Variants in SLCO6A1 observed in about 807,000 individuals in gnomAD.
The protein encoded by SLCO6A1 is cancer/testis antigen 48.
Under a neutral mutation model 72.7 loss-of-function variants are expected in SLCO6A1, and 65 were observed. The ratio of observed to expected loss-of-function variants is 0.89; its 90% CI spans 0.73 to 1.10. SLCO6A1 has a LOEUF of 1.10. Ranked by LOEUF, SLCO6A1 falls within the 50% of genes least tolerant of loss-of-function variation. The pLI is 0.00. For synonymous variants in SLCO6A1, 314 were observed against 298.2 expected, an observed-to-expected ratio of 1.05 and a Z score of -0.55; for missense variants, 874 against 872.6, an observed-to-expected ratio of 1.00 and a Z score of -0.02.
intron 1 of SLCO6A1, among the ~76,000 whole-genome samples, chr5:102,484,933 G>A (rs961886732): frequency 6.6e-6 from 1 of 152,072 alleles, no homozygotes; most frequent in African/African-American, 2.4e-5. Context: ...TGCAGTGAAG[G>A]GTTAACTGAA....
At chr5:102,484,510 G>A (rs558220382) in intron 1 of SLCO6A1, among the ~76,000 whole-genome samples, 166 of 152,028 alleles carry the variant, frequency 1.1e-3, no homozygotes, top group African/African-American at 3.2e-3. Flanking sequence ...TTAGCCAGGC[G>A]TGGTGGCGGG....
chr5:102,458,439 G>T lies in SLCO6A1; in HGVS notation c.1074C>A (p.Ser358Arg), dbSNP rs1480649722. The change falls in exon 6 of 14, where the codon AGC becomes AGA. Residue 358 changes from serine to arginine, a missense_variant. Ser to Arg is a moderately radical substitution (Grantham distance 110). Transcript: ENST00000506729. ...RKRKQLHFFD[S>R]RLKDLKLGTN... The stretch of plus-strand genomic sequence containing the variant: ...TTCCAAGTTTCAGATCTTTAAGTCT[G>T]CTGTCAAAAAAATGAAGCTGTTTAC... 2 of 1,612,882 alleles carry T rather than the reference G, an allele frequency of 1.2e-6. No individual in the cohort carries two copies. Among genetic ancestry groups the T allele is most frequent in the Middle Eastern group, 3.3e-4 (2 of 6,048 alleles).
chr5:102,498,938 T>C lies in SLCO6A1; in HGVS notation c.-94A>G. ...CCCAAAGGCCAGCCTGGCGAGGGCG[T>C]CGGAGGACTCGGTGGCCACAAGGGG... On this transcript the variant is annotated 5_prime_UTR_variant, in exon 1 of 14. Coordinates refer to ENST00000506729, the MANE Select transcript of SLCO6A1 (RefSeq NM_173488.5). The C allele has an allele frequency of 5.0e-6, 6 of 1,209,412 alleles. No individual in the cohort carries two copies. In the South Asian group the frequency reaches 8.7e-5, roughly 17 times the overall value. The allele number at this position is 1,209,412 out of a possible 1,614,324, so 74.9% of individuals were successfully genotyped here.
intron 7 of SLCO6A1, among the ~76,000 whole-genome samples, chr5:102,421,949 G>T (rs1748630868): frequency 6.6e-6 from 1 of 152,224 alleles, no homozygotes; most frequent in East Asian, 1.9e-4. Flanking sequence ...CTGCTGCTCT[G>T]CAGTCTCTGC....
At chr5:102,467,101 C>T (rs1644039205) in intron 4 of SLCO6A1, among the ~76,000 whole-genome samples, 3 of 152,068 alleles carry the variant, frequency 2.0e-5, no homozygotes, top group African/African-American at 7.2e-5. Context: ...ATGCCTATTC[C>T]TGAATGGTAC....
At chr5:102,397,450 C>A (rs941251989) in intron 10 of SLCO6A1, among the ~76,000 whole-genome samples, 1 of 152,136 alleles carries the variant, frequency 6.6e-6, no homozygotes, top group Non-Finnish European at 1.5e-5. Flanking sequence ...GCTTTTACTG[C>A]CAGCCCAGGG....
At chr5:102,443,455 A>T (rs953706882) in intron 6 of SLCO6A1, among the ~76,000 whole-genome samples, 3 of 152,152 alleles carry the variant, frequency 2.0e-5, no homozygotes, top group African/African-American at 7.2e-5. Context: ...CCAAAAGAGG[A>T]ACTGACTAGA....
chr5:102,396,062 A>T (rs9327852), intron 10 of SLCO6A1, among the ~76,000 whole-genome samples: 1 of 151,566 alleles, frequency 6.6e-6, no homozygotes, highest in East Asian at 1.9e-4. Context: ...CCCATTTGTC[A>T]ATTTTGGCTT....
intron 7 of SLCO6A1, among the ~76,000 whole-genome samples, chr5:102,426,789 A>C (rs1290951733): frequency 2.0e-5 from 3 of 152,262 alleles, no homozygotes; most frequent in African/African-American, 7.2e-5. Flanking sequence ...AAGGATTATA[A>C]ATAATTCTAC....
At chr5:102,410,183 G>A (rs12519179) in intron 9 of SLCO6A1, among the ~76,000 whole-genome samples, 152,242 of 152,264 alleles carry the variant, frequency 1, 76,110 homozygotes, top group Non-Finnish European at 1. Context: ...CTCTGTAGGC[G>A]GGTCATCCTG....
chr5:102,398,411 C>A (rs1211169714), intron 10 of SLCO6A1, among the ~76,000 whole-genome samples: 1 of 152,090 alleles, frequency 6.6e-6, no homozygotes, highest in Non-Finnish European at 1.5e-5. Flanking sequence ...TTCCTGACCT[C>A]AAGTGATCCA....
At chr5:102,381,731 CTTTT>C (rs57935092) in intron 12 of SLCO6A1, among the ~76,000 whole-genome samples, 1 of 134,344 alleles carries the variant, frequency 7.4e-6, no homozygotes, top group Non-Finnish European at 1.6e-5. Flanking sequence ...CAATATTTAT[CTTTT>C]TTTTTTTTTT....
intron 9 of SLCO6A1, among the ~76,000 whole-genome samples, chr5:102,410,076 G>A (rs1431329491): frequency 1.3e-5 from 2 of 152,148 alleles, no homozygotes; most frequent in East Asian, 1.9e-4. Context: ...TGTCCAGGAA[G>A]AATGAGGTAG....
chr5:102,475,846 G>T, intron 3 of SLCO6A1, 53 bp from the exon 4 acceptor site: 2 of 1,375,780 alleles, frequency 1.5e-6, no homozygotes, highest in Non-Finnish European at 2.0e-6. Flanking sequence ...AGCCAGCTTC[G>T]TTATGATAAA....
intron 1 of SLCO6A1, among the ~76,000 whole-genome samples, chr5:102,482,828 C>A (rs1412307135): frequency 6.6e-6 from 1 of 152,104 alleles, no homozygotes; most frequent in African/African-American, 2.4e-5. Context: ...AAATAAATGG[C>A]TAATTTAGTG....
At chr5:102,417,076 G>A (rs1748324991) in intron 8 of SLCO6A1, among the ~76,000 whole-genome samples, 1 of 151,976 alleles carries the variant, frequency 6.6e-6, no homozygotes, top group African/African-American at 2.4e-5. Flanking sequence ...CTGATGAATT[G>A]GTAATTTTAT....
In SLCO6A1 at chr5:102,385,233, T is replaced by C. The variant is rs1746348755; in HGVS notation, c.2017+3455A>G. 2.0e-5 allele frequency among the ~76,000 whole-genome samples: 3 copies of C among 152,178 alleles called. No homozygotes were observed. The South Asian group carries it at 6.2e-4, about 31-fold the overall frequency. On this transcript the variant is annotated intron_variant, in intron 12 of 13. Transcript: ENST00000506729. The stretch of plus-strand genomic sequence containing the variant: ...TTTTCTCTTACTGCTTTCAAAATTC[T>C]CTCTTGCCTTTGACTTTTGTGAATT...
chr5:102,373,270 T>G, intron 13 of SLCO6A1, 67 bp downstream of exon 13: 1 of 997,928 alleles, frequency 1.0e-6, no homozygotes, highest in Non-Finnish European at 1.3e-6. Flanking sequence ...TGTAATTACA[T>G]TATTATTACT....
rs1269697693 is a variant in SLCO6A1, at chr5:102,419,863, G to A, written c.1435C>T (p.Pro479Ser). The A allele has an allele frequency of 1.2e-6, 2 of 1,607,052 alleles. No individual in the cohort carries two copies. The highest frequency in any genetic ancestry group is 1.7e-5 in the Admixed American group (1 of 58,216). ...TCATTGATCCCAGCAAATTGCACTG[G>A]ATTACAGCGTACAAAAATAATAAAC... ...LVFIIFVRCN[P>S]VQFAGINEDY... The change falls in exon 8 of 14, where the codon CCA becomes TCA. Residue 479 changes from proline (P) to serine (S), a missense_variant. By Grantham distance (74) the Pro-to-Ser change is moderately conservative. Transcript: ENST00000506729.
Sources: allele counts gnomAD v4.1 joint callset (sites outside exome capture counted in the v4.1 genomes callset), GRCh38; gene constraint gnomAD v4.1.1; transcripts MANE v1.5; gene names NCBI Gene and HGNC (gene_info 2026-07-23, HGNC 2026-07-21).